The following FAM53A variants were observed in gnomAD, a reference collection of about 807,000 sequenced individuals.
FAM53A encodes family with sequence similarity 53 member A.
Under a neutral mutation model 26.6 loss-of-function variants are expected in FAM53A, and 28 were observed. That is an observed-to-expected ratio of 1.05 (90% CI 0.78 to 1.45). The LOEUF (loss-of-function observed/expected upper bound fraction) is 1.45. FAM53A is among the 40% of genes most tolerant of loss of function. FAM53A has a pLI of 0.00. For synonymous variants in FAM53A, 290 were observed against 253.1 expected, an observed-to-expected ratio of 1.15 and a Z score of -1.38; for missense variants, 650 against 575.8, an observed-to-expected ratio of 1.13 and a Z score of -1.32.
intron 2 of FAM53A, among the ~76,000 whole-genome samples, chr4:1,663,330 A>T (rs1309234253): frequency 6.6e-6 from 1 of 152,236 alleles, no homozygotes; most frequent in African/African-American, 2.4e-5. Context: ...CAATCCCACG[A>T]CTAGGTTTGC....
rs1713700825 is a variant in FAM53A, at chr4:1,659,896, C to T, written c.76-2428G>A. On this transcript the variant is annotated intron_variant, in intron 2 of 4. Transcript: ENST00000308132. This position sits in a 1 kb window ranked among gnomAD's most constrained non-coding sequence, Gnocchi z 5.2. The stretch of plus-strand genomic sequence containing the variant: ...GGCACTGCCGCCATGACCTAAGCAC[C>T]TCCCAGAGGCCCCACCTCCAAATAT... Among the ~76,000 whole-genome samples the T allele has an allele frequency of 6.6e-6, 1 of 152,188 alleles. No homozygotes were observed. Among genetic ancestry groups the T allele is most frequent in the East Asian group, 1.9e-4 (1 of 5,196 alleles).
chr4:1,604,141 C>T, the FAM53A span, among the ~76,000 whole-genome samples: 1 of 152,192 alleles, frequency 6.6e-6, no homozygotes, highest in Non-Finnish European at 1.5e-5. Context: ...GGACAGGACC[C>T]GAGGAAAGGT....
chr4:1,601,815 G>A, the FAM53A span, among the ~76,000 whole-genome samples: 2 of 104,594 alleles, frequency 1.9e-5, 1 homozygote, highest in Non-Finnish European at 4.6e-5. Flanking sequence ...GACCCAAAGT[G>A]CCCGATGGGG....
At position 1,642,435 on chromosome 4, in the gene FAM53A, C is replaced by T. The variant is rs564215026; in HGVS notation, c.883-828G>A. ...CCGCCACCACCCCCTTCTCACTCTGCCCCCCGGCTATATCTCACTCAGTAG... is the reference window on the plus strand; with the variant it reads ...CCGCCACCACCCCCTTCTCACTCTGTCCCCCGGCTATATCTCACTCAGTAG... On this transcript the variant is annotated intron_variant, in intron 4 of 4. Coordinates refer to ENST00000308132, the MANE Select transcript of FAM53A (RefSeq NM_001174070.3). Among the ~76,000 whole-genome samples the T allele has an allele frequency of 1.0e-3, 159 of 152,102 alleles. 1 individual carries two copies. The Middle Eastern group carries it at 0.017, about 16-fold the overall frequency.
chr4:1,641,955 C>T (rs1711757671), intron 4 of FAM53A, among the ~76,000 whole-genome samples: 1 of 152,174 alleles, frequency 6.6e-6, no homozygotes, highest in African/African-American at 2.4e-5. Flanking sequence ...TCACAGGTGA[C>T]AGCCTTATCC....
At chr4:1,653,730 C>G (rs568727010) in intron 4 of FAM53A, among the ~76,000 whole-genome samples, 147 of 152,368 alleles carry the variant, frequency 9.6e-4, no homozygotes, top group Admixed American at 1.8e-3. Context: ...GAAGAATCAA[C>G]TGGAGAGCCC....
the FAM53A span, among the ~76,000 whole-genome samples, chr4:1,577,502 G>A: frequency 6.6e-6 from 1 of 152,194 alleles, no homozygotes; most frequent in Non-Finnish European, 1.5e-5. Context: ...CAGCAGCGGT[G>A]AGGTACCCAG....
chr4:1,620,400 C>T (rs917190563), intron 1 of FAM53A, among the ~76,000 whole-genome samples: 1 of 151,950 alleles, frequency 6.6e-6, no homozygotes, highest in African/African-American at 2.4e-5. Flanking sequence ...GAGGCCTTTC[C>T]GGGAGTTGTT....
chr4:1,676,473 T>G (rs191240684), intron 1 of FAM53A, among the ~76,000 whole-genome samples: 22 of 152,304 alleles, frequency 1.4e-4, no homozygotes, highest in African/African-American at 5.1e-4. Flanking sequence ...AACATGTGAC[T>G]GTTGGGGCCG....
At chr4:1,623,013 C>T (rs1037149411) in intron 1 of FAM53A, among the ~76,000 whole-genome samples, 6 of 152,224 alleles carry the variant, frequency 3.9e-5, no homozygotes, top group African/African-American at 7.2e-5. Context: ...CATGGGGAAA[C>T]GAAGGCACAG....
chr4:1,655,160 T>G lies in FAM53A; in HGVS notation c.700A>C (p.Thr234Pro). ...LSQERLAGAG[T>P]PLPWASSSPT... ...CTGCTGCTGGCCCAGGGCAGGGGAG[T>G]GCCCGCACCCGCGAGTCGCTCCTGT... The change falls in exon 4 of 5, where the codon ACT becomes CCT. Residue 234 changes from threonine (T) to proline (P), a missense_variant. By Grantham distance (38) the Thr-to-Pro change is conservative. Coordinates refer to ENST00000308132, the MANE Select transcript of FAM53A (RefSeq NM_001174070.3). 12 of 1,578,046 alleles carry G rather than the reference T, an allele frequency of 7.6e-6. No individual in the cohort carries two copies. Among genetic ancestry groups the G allele is most frequent in the Non-Finnish European group, 1.0e-5 (12 of 1,166,646 alleles).
intron 1 of FAM53A, among the ~76,000 whole-genome samples, chr4:1,674,181 A>G (rs1456579826): frequency 6.6e-6 from 1 of 152,158 alleles, no homozygotes; most frequent in East Asian, 1.9e-4. Context: ...GACTCTCTCC[A>G]GTTTCCAGGG....
chr4:1,674,201 G>A (rs1239743389), intron 1 of FAM53A, among the ~76,000 whole-genome samples: 1 of 152,182 alleles, frequency 6.6e-6, no homozygotes, highest in Non-Finnish European at 1.5e-5. Context: ...GGCTCTGGGA[G>A]TCCTCGGCAG....
At chr4:1,606,297 G>C in the FAM53A span, among the ~76,000 whole-genome samples, 152 of 151,522 alleles carry the variant, frequency 1.0e-3, 3 homozygotes, top group Middle Eastern at 0.024. Flanking sequence ...CTCCCGCCTC[G>C]GCCTCCCAAA....
At chr4:1,651,223 G>GAAA (rs796236932) in intron 4 of FAM53A, among the ~76,000 whole-genome samples, 2 of 109,762 alleles carry the variant, frequency 1.8e-5, no homozygotes, top group Non-Finnish European at 3.6e-5. Flanking sequence ...ACTCCATCTC[G>GAAA]AAAAAAAAAA....
intron 1 of FAM53A, among the ~76,000 whole-genome samples, chr4:1,625,842 G>A (rs1475404722): frequency 6.6e-6 from 1 of 152,232 alleles, no homozygotes; most frequent in African/African-American, 2.4e-5. Flanking sequence ...TGGAGCCTTG[G>A]GGGAGACTGA....
rs28654915 is a variant in FAM53A at position 1,640,941 on chromosome 4, A to G, written c.*352T>C. ...TCACAGGAAACCTAGTCTGTGCCCCAGGGCAGTGCAGGCGGCAGCCGTGGC... is the reference window on the plus strand; with the variant it reads ...TCACAGGAAACCTAGTCTGTGCCCCGGGGCAGTGCAGGCGGCAGCCGTGGC... On this transcript the variant is annotated 3_prime_UTR_variant, in exon 5 of 5. Transcript: ENST00000308132. The G allele has an allele frequency of 1.2e-4, 51 of 429,368 alleles. No individual in the cohort carries two copies. Among genetic ancestry groups the G allele is most frequent in the Middle Eastern group, 7.0e-4 (1 of 1,424 alleles). 26.6% of individuals were successfully genotyped at this position (429,368 alleles called of 1,614,324 possible). A position where few individuals can be genotyped will look rare whatever the true frequency, so the allele number is the denominator to read the frequency against.
intron 4 of FAM53A, chr4:1,644,302 C>G (rs1439641239): frequency 6.5e-7 from 1 of 1,535,864 alleles, no homozygotes; most frequent in Non-Finnish European, 8.7e-7. Flanking sequence ...CACGCCGAGG[C>G]CTCGGACGCG....
intron 1 of FAM53A, among the ~76,000 whole-genome samples, chr4:1,625,214 A>G (rs12500000): frequency 0.022 from 392 of 17,844 alleles, 16 homozygotes; most frequent in Non-Finnish European, 0.027. Context: ...CCCACGTCCC[A>G]GCCCACGTGG....
Sources: gnomAD v4.1 joint callset for allele counts (sites outside exome capture counted in the v4.1 genomes callset) on GRCh38, gnomAD v4.1.1 for gene constraint, Gnocchi (gnomAD v3.1) non-coding constraint, MANE v1.5 for transcripts, NCBI Gene and HGNC (gene_info 2026-07-23, HGNC 2026-07-21) for gene names.